Variants in FZD3 observed in about 807,000 individuals in gnomAD.
The protein encoded by FZD3 is frizzled class receptor 3.
A neutral mutation model predicts 60.7 loss-of-function variants in FZD3; 30 were observed. The observed-to-expected ratio is 0.49, with a 90% CI of 0.37 to 0.67. The LOEUF (loss-of-function observed/expected upper bound fraction) is 0.67. Ranked by LOEUF, FZD3 falls within the 30% of genes least tolerant of loss-of-function variation. The pLI is 0.00. For missense variants in FZD3, 605 were observed against 838.7 expected, an observed-to-expected ratio of 0.72 and a Z score of 3.44; for synonymous variants, 246 against 275.2, an observed-to-expected ratio of 0.89 and a Z score of 1.05.
rs1001240408 is a variant in FZD3, at chr8:28,563,842, G to A, written c.*831G>A. On this transcript the variant is annotated 3_prime_UTR_variant, in exon 8 of 8. Coordinates refer to ENST00000240093, the MANE Select transcript of FZD3 (RefSeq NM_017412.4). The stretch of plus-strand genomic sequence containing the variant: ...ACTTAATGTTCAAAATTTGCTTTGT[G>A]GAGGCATGTAATAAGATAAACATCA... 3.3e-5 allele frequency: 5 copies of A among 152,626 alleles called. No individual in the cohort carries two copies. Among genetic ancestry groups the A allele is most frequent in the African/African-American group, 1.2e-4 (5 of 41,456 alleles). The allele number at this position is 152,626 out of a possible 1,614,324, so 9.5% of individuals were successfully genotyped here.
chr8:28,510,942 CAGG>C (rs1804270485), intron 3 of FZD3, among the ~76,000 whole-genome samples: 1 of 151,892 alleles, frequency 6.6e-6, no homozygotes, highest in Non-Finnish European at 1.5e-5. Context: ...GAGGCTAAGA[CAGG>C]AGAATTGCTT....
intron 5 of FZD3, among the ~76,000 whole-genome samples, chr8:28,534,980 T>C (rs1804972239): frequency 6.6e-6 from 1 of 152,230 alleles, no homozygotes; most frequent in South Asian, 2.1e-4. Context: ...TCAGGTGACT[T>C]AGAGAAAATA....
At chr8:28,531,136 T>TC (rs1185011264) in intron 5 of FZD3, among the ~76,000 whole-genome samples, 2 of 152,152 alleles carry the variant, frequency 1.3e-5, no homozygotes, top group Non-Finnish European at 2.9e-5. Context: ...CCATTCCTCT[T>TC]CTTCCTCCCT....
intron 4 of FZD3, among the ~76,000 whole-genome samples, chr8:28,522,572 C>T (rs1804610966): frequency 6.6e-6 from 1 of 152,110 alleles, no homozygotes; most frequent in Non-Finnish European, 1.5e-5. Context: ...TGGGCAGGAA[C>T]TCTGTTTTAT....
In FZD3 at chr8:28,527,641, A is replaced by G; in HGVS notation, c.881A>G (p.Tyr294Cys). 5 of 1,613,888 alleles carry G rather than the reference A, an allele frequency of 3.1e-6. No individual in the cohort carries two copies. The highest frequency in any genetic ancestry group is 4.2e-6 in the Non-Finnish European group (5 of 1,179,914). The change falls in exon 5 of 8, where the codon TAT becomes TGT. Residue 294 changes from tyrosine to cysteine, a missense_variant. By Grantham distance (194) the Tyr-to-Cys change is radical (BLOSUM62 -2). Coordinates refer to ENST00000240093, the MANE Select transcript of FZD3 (RefSeq NM_017412.4). The surrounding 1 kb of genome is among the most constrained non-coding windows in gnomAD (Gnocchi z 5.0). ...TGTACCATGCTTTTTATGATACTCT[A>G]TTTTTTTACTATGGCTGGCAGTGTA... ...KACTMLFMIL[Y>C]FFTMAGSVWW...
intron 5 of FZD3, among the ~76,000 whole-genome samples, chr8:28,546,800 C>A (rs1429346808): frequency 6.6e-6 from 1 of 151,954 alleles, no homozygotes; most frequent in Non-Finnish European, 1.5e-5. Flanking sequence ...ACAGTGAAAC[C>A]CCGTCTCTAC....
In FZD3 at chr8:28,563,170, T is replaced by C. The variant is rs955447309; in HGVS notation, c.*159T>C. On this transcript the variant is annotated 3_prime_UTR_variant, in exon 8 of 8. Transcript: ENST00000240093. ...TAAATGATTGCTTTTTTATATTGCA[T>C]CAAACTTGGAACATCAAGGCATCCA... 1.7e-6 allele frequency: 1 copy of C among 604,116 alleles called. No individual in the cohort carries two copies. The highest frequency in any genetic ancestry group is 1.9e-5 in the African/African-American group (1 of 53,974). 37.4% of individuals were successfully genotyped at this position (604,116 alleles called of 1,614,324 possible).
At chr8:28,507,855 T>G (rs1285653750) in intron 3 of FZD3, among the ~76,000 whole-genome samples, 3 of 152,070 alleles carry the variant, frequency 2.0e-5, no homozygotes, top group African/African-American at 7.2e-5. Context: ...GCTCAAAATA[T>G]TCCATCTTTG....
At chr8:28,558,161 G>A (rs1232465152) in intron 7 of FZD3, among the ~76,000 whole-genome samples, 2 of 152,206 alleles carry the variant, frequency 1.3e-5, no homozygotes, top group Non-Finnish European at 2.9e-5. Flanking sequence ...GCAGCAGTGA[G>A]AAACTATCAT....
In FZD3 at chr8:28,555,805, A is replaced by T; in HGVS notation, c.1621A>T (p.Asn541Tyr). The change falls in exon 7 of 8, where the codon AAT (asparagine) becomes TAT (tyrosine). Residue 541 changes from asparagine (N) to tyrosine (Y), a missense_variant. Coordinates refer to ENST00000240093, the MANE Select transcript of FZD3 (RefSeq NM_017412.4). The part of the protein sequence containing the change: ...DFAQSLLRDP[N>Y]TPIIRKSRGT... ...TGCTCAGTCTCTCCTGAGGGATCCA[A>T]ATACTCCTATCATAAGAAAGTCAAG... 1 of 1,613,924 alleles carries T rather than the reference A, an allele frequency of 6.2e-7. No individual in the cohort carries two copies. The highest frequency in any genetic ancestry group is 8.5e-7 in the Non-Finnish European group (1 of 1,179,768).
intron 6 of FZD3, among the ~76,000 whole-genome samples, chr8:28,553,736 C>G (rs2164758): frequency 0.53 from 80,789 of 152,044 alleles, 22,007 homozygotes; most frequent in South Asian, 0.63. Flanking sequence ...GTGGCAGCCC[C>G]TTATTCTGGC....
At chr8:28,542,996 T>C (rs1415615082) in intron 5 of FZD3, among the ~76,000 whole-genome samples, 1 of 152,162 alleles carries the variant, frequency 6.6e-6, no homozygotes, top group Non-Finnish European at 1.5e-5. Flanking sequence ...TCTCTAAGGA[T>C]AGGATTTAGA....
chr8:28,500,622 A>G (rs1446709462), intron 2 of FZD3, among the ~76,000 whole-genome samples: 1 of 152,212 alleles, frequency 6.6e-6, no homozygotes, highest in East Asian at 1.9e-4. Flanking sequence ...AACTACAAAG[A>G]CTGAACTTAC....
rs200008265 is a variant in FZD3, at chr8:28,520,780, C to T, written c.332C>T (p.Ser111Leu). 1.2e-5 allele frequency: 19 copies of T among 1,609,206 alleles called. No individual in the cohort carries two copies. The highest frequency in any genetic ancestry group is 1.6e-4 in the Middle Eastern group (1 of 6,068). ...RLCQRAYSEC[S>L]KLMEMFGVPW... ...TGTCAGCGGGCTTACAGTGAGTGTT[C>T]GAAGCTCATGGAGATGTTTGGTGTT... is the stretch of plus-strand genomic sequence containing the variant. Residue 111 changes from serine to leucine, a missense_variant, in exon 4 of 8, where the codon TCG (serine) becomes TTG (leucine). Physicochemically the swap from Ser to Leu is moderately radical, Grantham distance 145. Transcript: ENST00000240093.
intron 7 of FZD3, among the ~76,000 whole-genome samples, chr8:28,560,045 A>G (rs2130473702): frequency 6.6e-6 from 1 of 152,330 alleles, no homozygotes; most frequent in African/African-American, 2.4e-5. Flanking sequence ...AGGTTTGGGA[A>G]TGAATGATTA....
intron 3 of FZD3, among the ~76,000 whole-genome samples, chr8:28,504,242 T>C (rs1331631466): frequency 1.3e-5 from 2 of 152,218 alleles, no homozygotes; most frequent in Non-Finnish European, 2.9e-5. Context: ...TTGAAAATGC[T>C]GTAGAGGTTG....
intron 3 of FZD3, among the ~76,000 whole-genome samples, chr8:28,513,804 A>G (rs1405384980): frequency 6.6e-6 from 1 of 152,194 alleles, no homozygotes; most frequent in African/African-American, 2.4e-5. Flanking sequence ...TTCTATGGTT[A>G]CCAGACCCTT....
intron 2 of FZD3, among the ~76,000 whole-genome samples, chr8:28,500,587 A>C (rs994710183): frequency 6.6e-6 from 1 of 152,226 alleles, no homozygotes; most frequent in Non-Finnish European, 1.5e-5. Flanking sequence ...AGTTGCAAGC[A>C]GATGAATATG....
chr8:28,502,146 G>A (rs914006095), intron 2 of FZD3, among the ~76,000 whole-genome samples: 2 of 152,126 alleles, frequency 1.3e-5, no homozygotes, highest in Non-Finnish European at 2.9e-5. Flanking sequence ...TAGAAGTTAA[G>A]TGGTATGTTT....
Sources: allele counts gnomAD v4.1 joint callset (sites outside exome capture counted in the v4.1 genomes callset), GRCh38; gene constraint gnomAD v4.1.1; non-coding constraint Gnocchi (gnomAD v3.1); transcripts MANE v1.5; gene names NCBI Gene and HGNC (gene_info 2026-07-23, HGNC 2026-07-21).